DDI1: variants seen among roughly 807,000 people sequenced by gnomAD.
DDI1 encodes the protein DDI proteasomal shuttling factor 1, also known as protein DDI1 homolog 1.
DDI1 carries 6 observed loss-of-function variants against 7.2 expected under a neutral mutation model. That is an observed-to-expected ratio of 0.83 (90% confidence interval 0.46 to 1.64). DDI1 has a LOEUF of 1.64. DDI1 is among the 40% of genes most tolerant of loss of function. DDI1 has a pLI of 0.01. For synonymous variants in DDI1, 221 were observed against 201.7 expected, an observed-to-expected ratio of 1.10 and a Z score of -0.81; for missense variants, 502 against 516.6, an observed-to-expected ratio of 0.97 and a Z score of 0.27.
Position 104,036,924 on chromosome 11 carries a change from C to A in DDI1, c.102C>A (p.Cys34Ter), listed in dbSNP as rs781498269. Residue 34 changes from cysteine to a stop codon, truncating the protein, a stop_gained, in exon 1 of 1, where the codon TGC (cysteine) becomes TGA (stop). Coordinates refer to ENST00000302259, the MANE Select transcript of DDI1 (RefSeq NM_001001711.3). LOFTEE classifies it low-confidence loss of function (END_TRUNC). ...DFELRNFKVL[C>*]EAESRVPVEE... ...AGCTCCGAAACTTCAAGGTCCTCTG[C>A]GAAGCGGAGTCCAGAGTCCCCGTCG... is the stretch of plus-strand genomic sequence containing the variant. 1 of 1,614,204 alleles carries A rather than the reference C, an allele frequency of 6.2e-7. No homozygotes were observed. The highest frequency in any genetic ancestry group is 8.5e-7 in the Non-Finnish European group (1 of 1,180,034).
chr11:104,037,167 G>A lies in DDI1; in HGVS notation c.345G>A (p.Gln115=), dbSNP rs754080719. The A allele has an allele frequency of 1.2e-6, 2 of 1,613,614 alleles. No homozygotes were observed. The highest frequency in any genetic ancestry group is 1.3e-5 in the African/African-American group (1 of 75,068). The change falls in exon 1 of 1, where the codon CAG becomes CAA. Residue 115 remains glutamine (Q), a synonymous_variant. Transcript: ENST00000302259. ...SSSRPQHPGQ[Q]QQRTPAAQRS... is the part of the protein sequence containing the mutation. ...CCCGTCCACAGCACCCTGGACAGCA[G>A]CAGCAGCGCACACCCGCTGCCCAGC...
At position 104,037,540 on chromosome 11, in the gene DDI1, C is replaced by A. The variant is rs1355603865; in HGVS notation, c.718C>A (p.Gln240Lys). The part of the protein sequence containing the change: ...AIEEAPESFG[Q>K]VTMLYINCKV... ...AGAAGAGGCCCCCGAGAGTTTTGGACAAGTGACGATGCTCTACATTAACTG... is the reference window on the plus strand; with the variant it reads ...AGAAGAGGCCCCCGAGAGTTTTGGAAAAGTGACGATGCTCTACATTAACTG... The change falls in exon 1 of 1, where the codon CAA becomes AAA. Residue 240 changes from glutamine to lysine, a missense_variant. Transcript: ENST00000302259. 6.2e-7 allele frequency: 1 copy of A among 1,614,018 alleles called. No homozygotes were observed.
chr11:104,038,779 TG>T lies in DDI1; in HGVS notation c.*769del, dbSNP rs1860299651. ...TTAAAAAAGAAATTATGGTACTTCT[TG>T]GGAGTCAAGTTGTACAGTGGTGGGA... On this transcript the variant is annotated 3_prime_UTR_variant, in exon 1 of 1. Coordinates refer to ENST00000302259, the MANE Select transcript of DDI1 (RefSeq NM_001001711.3). The T allele has an allele frequency of 6.0e-6, 1 of 167,090 alleles. No homozygotes were observed. Among genetic ancestry groups the T allele is most frequent in the Non-Finnish European group, 1.5e-5 (1 of 68,124 alleles). 10.4% of individuals were successfully genotyped at this position (167,090 alleles called of 1,614,324 possible).
rs753122111 is a variant in DDI1, at chr11:104,037,092, C to T, written c.270C>T (p.Asn90=). 1 of 1,614,214 alleles carries T rather than the reference C, an allele frequency of 6.2e-7. No homozygotes were observed. Among genetic ancestry groups the T allele is most frequent in the South Asian group, 1.1e-5 (1 of 91,082 alleles). The change falls in exon 1 of 1, where the codon AAC becomes AAT. Residue 90 remains asparagine (N), a synonymous_variant. Coordinates refer to ENST00000302259, the MANE Select transcript of DDI1 (RefSeq NM_001001711.3). ...CTCGGGCTCCAGGGCGTGCCCCGAACCAGCCTCGTGTAGACTTCAGTGGCA... is the reference window on the plus strand; with the variant it reads ...CTCGGGCTCCAGGGCGTGCCCCGAATCAGCCTCGTGTAGACTTCAGTGGCA... ...VGPRAPGRAP[N]QPRVDFSGIA... is the part of the protein sequence containing the mutation.
Position 104,037,774 on chromosome 11 carries a change from T to C in DDI1, c.952T>C (p.Phe318Leu), listed in dbSNP as rs1165139167. The C allele has an allele frequency of 6.2e-7, 1 of 1,614,192 alleles. No individual in the cohort carries two copies. The part of the protein sequence containing the change: ...QIEGDFLQCS[F>L]SILEDQPMDM... ...TGAAGGTGATTTCTTACAGTGCTCT[T>C]TCTCCATACTTGAGGATCAACCCAT... Residue 318 changes from phenylalanine to leucine, a missense_variant, in exon 1 of 1, where the codon TTC becomes CTC. Phe to Leu is a conservative substitution (Grantham distance 22, BLOSUM62 0). Transcript: ENST00000302259.
At position 104,037,161 on chromosome 11, in the gene DDI1, A is replaced by C. The variant is rs201809029; in HGVS notation, c.339A>C (p.Gly113=). The C allele has an allele frequency of 1.2e-6, 2 of 1,613,706 alleles. No individual in the cohort carries two copies. Among genetic ancestry groups the C allele is most frequent in the Non-Finnish European group, 1.7e-6 (2 of 1,179,992 alleles). ...CCAGCTCCCGTCCACAGCACCCTGG[A>C]CAGCAGCAGCAGCGCACACCCGCTG... ...GTSSSRPQHP[G]QQQQRTPAAQ... is the part of the protein sequence containing the mutation. Residue 113 remains glycine, a synonymous_variant, in exon 1 of 1, where the codon GGA becomes GGC. Transcript: ENST00000302259.
In DDI1 at chr11:104,037,148, C is replaced by T. The variant is rs149392448; in HGVS notation, c.326C>T (p.Pro109Leu). 2.4e-5 allele frequency: 39 copies of T among 1,613,670 alleles called. 1 individual carries two copies. The African/African-American group carries it at 4.9e-4, about 20-fold the overall frequency. ...IAVPGTSSSR[P>L]QHPGQQQQRT... Reference sequence around the variant, plus strand: ...GTGCCTGGGACGTCCAGCTCCCGTCCACAGCACCCTGGACAGCAGCAGCAG... The same window carrying T: ...GTGCCTGGGACGTCCAGCTCCCGTCTACAGCACCCTGGACAGCAGCAGCAG... Residue 109 changes from proline to leucine, a missense_variant, in exon 1 of 1, where the codon CCA (proline) becomes CTA (leucine). Physicochemically the swap from Pro to Leu is moderately conservative, Grantham distance 98. Coordinates refer to ENST00000302259, the MANE Select transcript of DDI1 (RefSeq NM_001001711.3).
Position 104,037,153 on chromosome 11 carries a change from C to T in DDI1, c.331C>T (p.His111Tyr), listed in dbSNP as rs762438165. ...TGGGACGTCCAGCTCCCGTCCACAG[C>T]ACCCTGGACAGCAGCAGCAGCGCAC... ...VPGTSSSRPQ[H>Y]PGQQQQRTPA... The change falls in exon 1 of 1, where the codon CAC (histidine) becomes TAC (tyrosine). Residue 111 changes from histidine (H) to tyrosine (Y), a missense_variant. Coordinates refer to ENST00000302259, the MANE Select transcript of DDI1 (RefSeq NM_001001711.3). 3.4e-5 allele frequency: 55 copies of T among 1,613,584 alleles called. No individual in the cohort carries two copies. Among genetic ancestry groups the T allele is most frequent in the Non-Finnish European group, 4.7e-5 (55 of 1,179,974 alleles).
In DDI1 at chr11:104,037,999, C is replaced by T. The variant is rs371239684; in HGVS notation, c.1177C>T (p.Arg393Ter). 2.2e-5 allele frequency: 36 copies of T among 1,612,372 alleles called. No homozygotes were observed. The highest frequency in any genetic ancestry group is 8.8e-5 in the South Asian group (8 of 91,022). The change falls in exon 1 of 1, where the codon CGA becomes TGA. Residue 393 changes from arginine (R) to a stop codon, truncating the protein, a stop_gained. Transcript: ENST00000302259. LOFTEE classifies it high-confidence loss of function. ...EITHSVMDSG[R>*]KEH Reference sequence around the variant, plus strand: ...TACACATTCAGTCATGGATTCAGGACGAAAAGAGCATTAAAGCACGTTATA... The same window carrying T: ...TACACATTCAGTCATGGATTCAGGATGAAAAGAGCATTAAAGCACGTTATA...
rs370289815 is a variant in DDI1, at chr11:104,037,100, G to A, written c.278G>A (p.Arg93His). The change falls in exon 1 of 1, where the codon CGT (arginine) becomes CAT (histidine). Residue 93 changes from arginine to histidine, a missense_variant. Coordinates refer to ENST00000302259, the MANE Select transcript of DDI1 (RefSeq NM_001001711.3). ...RAPGRAPNQP[R>H]VDFSGIAVPG... ...CCAGGGCGTGCCCCGAACCAGCCTCGTGTAGACTTCAGTGGCATTGCGGTG... is the reference window on the plus strand; with the variant it reads ...CCAGGGCGTGCCCCGAACCAGCCTCATGTAGACTTCAGTGGCATTGCGGTG... The A allele has an allele frequency of 8.1e-6, 13 of 1,614,154 alleles. No individual in the cohort carries two copies. Among genetic ancestry groups the A allele is most frequent in the Middle Eastern group, 1.6e-4 (1 of 6,062 alleles).
At position 104,037,444 on chromosome 11, in the gene DDI1, C is replaced by G. The variant is rs114077203; in HGVS notation, c.622C>G (p.Arg208Gly). The G allele has an allele frequency of 4.1e-4, 656 of 1,614,030 alleles. 1 individual carries two copies. In the African/African-American group the frequency reaches 7.9e-3, roughly 19 times the overall value. The change falls in exon 1 of 1, where the codon CGG (arginine) becomes GGG (glycine). Residue 208 changes from arginine to glycine, a missense_variant. Arg to Gly is a moderately radical substitution (Grantham distance 125, BLOSUM62 -2). Transcript: ENST00000302259. ...LRLYTADPLD[R>G]EAQAKIEEEI... is the part of the protein sequence containing the mutation. Reference sequence around the variant, plus strand: ...TCTCTACACAGCCGACCCACTGGATCGGGAAGCTCAGGCCAAAATAGAAGA... The same window carrying G: ...TCTCTACACAGCCGACCCACTGGATGGGGAAGCTCAGGCCAAAATAGAAGA...
At position 104,037,206 on chromosome 11, in the gene DDI1, G is replaced by A. The variant is rs770917624; in HGVS notation, c.384G>A (p.Leu128=). The A allele has an allele frequency of 9.3e-6, 15 of 1,613,750 alleles. 1 individual carries two copies. In the South Asian group the frequency reaches 1.5e-4, roughly 17 times the overall value. ...RTPAAQRSQG[L]ASGEKVAGLQ... ...CCGCTGCCCAGCGGTCACAGGGCTT[G>A]GCGTCAGGAGAGAAGGTGGCCGGCC... Residue 128 remains leucine, a synonymous_variant, in exon 1 of 1, where the codon TTG becomes TTA. Coordinates refer to ENST00000302259, the MANE Select transcript of DDI1 (RefSeq NM_001001711.3).
rs1386949019 is a variant in DDI1, at chr11:104,037,082, G to A, written c.260G>A (p.Arg87His). 3.7e-6 allele frequency: 6 copies of A among 1,614,098 alleles called. No homozygotes were observed. Among genetic ancestry groups the A allele is most frequent in the Admixed American group, 3.3e-5 (2 of 60,014 alleles). Residue 87 changes from arginine (R) to histidine (H), a missense_variant, in exon 1 of 1, where the codon CGT becomes CAT. Transcript: ENST00000302259. ...AATGTGGGACCTCGGGCTCCAGGGC[G>A]TGCCCCGAACCAGCCTCGTGTAGAC... ...KDNVGPRAPG[R>H]APNQPRVDFS...
chr11:104,036,913 A>C lies in DDI1; in HGVS notation c.91A>C (p.Lys31Gln), dbSNP rs1860249051. ...VSPDFELRNF[K>Q]VLCEAESRVP... is the part of the protein sequence containing the mutation. ...CCCCGACTTTGAGCTCCGAAACTTCAAGGTCCTCTGCGAAGCGGAGTCCAG... is the reference window on the plus strand; with the variant it reads ...CCCCGACTTTGAGCTCCGAAACTTCCAGGTCCTCTGCGAAGCGGAGTCCAG... The change falls in exon 1 of 1, where the codon AAG (lysine) becomes CAG (glutamine). Residue 31 changes from lysine to glutamine, a missense_variant. By Grantham distance (53) the Lys-to-Gln change is moderately conservative. Coordinates refer to ENST00000302259, the MANE Select transcript of DDI1 (RefSeq NM_001001711.3). 1 of 1,614,034 alleles carries C rather than the reference A, an allele frequency of 6.2e-7. No individual in the cohort carries two copies.
In DDI1 at chr11:104,037,132, A is replaced by G; in HGVS notation, c.310A>G (p.Thr104Ala). Residue 104 changes from threonine (T) to alanine (A), a missense_variant, in exon 1 of 1, where the codon ACG (threonine) becomes GCG (alanine). Physicochemically the swap from Thr to Ala is moderately conservative, Grantham distance 58 (BLOSUM62 0). Transcript: ENST00000302259. ...VDFSGIAVPG[T>A]SSSRPQHPGQ... ...CTTCAGTGGCATTGCGGTGCCTGGG[A>G]CGTCCAGCTCCCGTCCACAGCACCC... is the stretch of plus-strand genomic sequence containing the variant. 1.2e-6 allele frequency: 2 copies of G among 1,613,912 alleles called. No homozygotes were observed. Among genetic ancestry groups the G allele is most frequent in the Non-Finnish European group, 1.7e-6 (2 of 1,180,016 alleles).
At position 104,037,356 on chromosome 11, in the gene DDI1, C is replaced by T. The variant is rs260807; in HGVS notation, c.534C>T (p.Thr178=). 2.6e-3 allele frequency: 4,163 copies of T among 1,614,088 alleles called. 97 individuals are homozygous for T. The African/African-American group carries it at 0.049, about 19-fold the overall frequency. ...AEALLSGSLE[T]FSQVLMEQQR... is the part of the protein sequence containing the mutation. ...CCCTGCTCAGCGGAAGCCTTGAGAC[C>T]TTTTCTCAGGTGCTGATGGAGCAGC... is the stretch of plus-strand genomic sequence containing the variant. Residue 178 remains threonine, a synonymous_variant, in exon 1 of 1, where the codon ACC becomes ACT. Transcript: ENST00000302259.
chr11:104,037,582 C>A lies in DDI1; in HGVS notation c.760C>A (p.Pro254Thr). Reference sequence around the variant, plus strand: ...CATTAACTGCAAAGTGAATGGGCATCCTTTGAAGGCTTTTGTTGACTCGGG... The same window carrying A: ...CATTAACTGCAAAGTGAATGGGCATACTTTGAAGGCTTTTGTTGACTCGGG... ...LYINCKVNGHPLKAFVDSGAQ... is the reference protein window; with the variant it reads ...LYINCKVNGHTLKAFVDSGAQ... Residue 254 changes from proline (P) to threonine (T), a missense_variant, in exon 1 of 1, where the codon CCT becomes ACT. Transcript: ENST00000302259. The A allele has an allele frequency of 1.2e-6, 2 of 1,614,016 alleles. No individual in the cohort carries two copies. The highest frequency in any genetic ancestry group is 1.7e-6 in the Non-Finnish European group (2 of 1,180,004).
Position 104,037,276 on chromosome 11 carries a change from T to C in DDI1, c.454T>C (p.Ser152Pro). 6.2e-7 allele frequency: 1 copy of C among 1,613,402 alleles called. No individual in the cohort carries two copies. The change falls in exon 1 of 1, where the codon TCC (serine) becomes CCC (proline). Residue 152 changes from serine (S) to proline (P), a missense_variant. Physicochemically the swap from Ser to Pro is moderately conservative, Grantham distance 74. Coordinates refer to ENST00000302259, the MANE Select transcript of DDI1 (RefSeq NM_001001711.3). ...SPALIRSMLL[S>P]NPHDLSLLKE... is the part of the protein sequence containing the mutation. ...CGCCCTGATCCGCAGCATGCTGCTC[T>C]CCAACCCCCACGATCTGTCCCTGCT...
In DDI1 at chr11:104,037,658, T is replaced by C. The variant is rs759352906; in HGVS notation, c.836T>C (p.Met279Thr). The change falls in exon 1 of 1, where the codon ATG becomes ACG. Residue 279 changes from methionine to threonine, a missense_variant. Physicochemically the swap from Met to Thr is moderately conservative, Grantham distance 81. Coordinates refer to ENST00000302259, the MANE Select transcript of DDI1 (RefSeq NM_001001711.3). The stretch of plus-strand genomic sequence containing the variant: ...GCTTGTGCCGAGCGATGTAACATCA[T>C]GAGGCTGGTGGACCGACGGTGGGCT... ...SQACAERCNIMRLVDRRWAGV... is the reference protein window; with the variant it reads ...SQACAERCNITRLVDRRWAGV... The C allele has an allele frequency of 4.3e-5, 69 of 1,614,028 alleles. 1 individual carries two copies. In the South Asian group the frequency reaches 7.4e-4, roughly 17 times the overall value.
Sources: gnomAD v4.1 joint callset for allele counts on GRCh38, gnomAD v4.1.1 for gene constraint, MANE v1.5 for transcripts, NCBI Gene and HGNC (gene_info 2026-07-23, HGNC 2026-07-21) for gene names.